The following GEMIN8 variants were observed in gnomAD, a reference collection of about 807,000 sequenced individuals.
GEMIN8 encodes gem nuclear organelle associated protein 8.
For missense variants in GEMIN8, 185 were observed against 205.9 expected, an observed-to-expected ratio of 0.90 and a Z score of 0.62; for synonymous variants, 80 against 78.5, an observed-to-expected ratio of 1.02 and a Z score of -0.10.
chrX:14,008,928 G>A lies in GEMIN8; in HGVS notation c.714C>T (p.Ile238=), dbSNP rs1923335515. ...DRKQPKYWPV[I]PLKF is the part of the protein sequence containing the mutation. Reference sequence around the variant, plus strand: ...TGCCCTGAGCTCAGAACTTCAGGGGGATGACCGGCCAGTACTTGGGCTGCT... The same window carrying A: ...TGCCCTGAGCTCAGAACTTCAGGGGAATGACCGGCCAGTACTTGGGCTGCT... The change falls in exon 5 of 5, where the codon ATC becomes ATT. Residue 238 remains isoleucine (I), a synonymous_variant. Coordinates refer to ENST00000680255, the MANE Select transcript of GEMIN8 (RefSeq NM_001042479.2). The A allele has an allele frequency of 1.7e-6, 2 of 1,210,940 alleles. No homozygotes were observed. Among genetic ancestry groups the A allele is most frequent in the Non-Finnish European group, 2.2e-6 (2 of 894,602 alleles).
chrX:14,022,512 T>C (rs1195747165), intron 2 of GEMIN8, among the ~76,000 whole-genome samples: 2 of 111,882 alleles, frequency 1.8e-5, no homozygotes, highest in Non-Finnish European at 3.8e-5. Flanking sequence ...TCTACCCACC[T>C]GTTGTGATTT....
At chrX:14,023,466 G>A (rs973302093) in intron 2 of GEMIN8, among the ~76,000 whole-genome samples, 1 of 107,711 alleles carries the variant, frequency 9.3e-6, no homozygotes, top group East Asian at 2.9e-4. Context: ...TGCAACCTCC[G>A]CCTCCCAGGT....
At chrX:13,999,927 G>T in the GEMIN8 span, among the ~76,000 whole-genome samples, 1 of 111,740 alleles carries the variant, frequency 8.9e-6, no homozygotes, top group East Asian at 2.8e-4. Flanking sequence ...TATGGTATCT[G>T]CCAGGTTCTT....
chrX:14,021,368 G>A (rs1286513818), intron 3 of GEMIN8, 96 bp downstream of exon 3: 23 of 505,231 alleles, frequency 4.6e-5, no homozygotes, highest in African/African-American at 1.2e-4. Flanking sequence ...CCCGTTGTGC[G>A]CATGTACCCT....
chrX:14,023,524 C>A (rs747149884), intron 2 of GEMIN8, among the ~76,000 whole-genome samples: 24 of 110,869 alleles, frequency 2.2e-4, no homozygotes, highest in African/African-American at 7.9e-4. Context: ...GGATTACAGG[C>A]GCGTGGCACC....
In GEMIN8 at chrX:14,007,894, G is replaced by C. The variant is rs1035528842; in HGVS notation, c.*1019C>G. Among the ~76,000 whole-genome samples the C allele has an allele frequency of 9.0e-6, 1 of 111,659 alleles. No homozygotes were observed. Among genetic ancestry groups the C allele is most frequent in the African/African-American group, 3.3e-5 (1 of 30,675 alleles). ...CTCTGTAGACATAATGAGATAACAA[G>C]AATAAAAATGTCAGGCAGGTGATTT... On this transcript the variant is annotated 3_prime_UTR_variant, in exon 5 of 5. Coordinates refer to ENST00000680255, the MANE Select transcript of GEMIN8 (RefSeq NM_001042479.2).
At chrX:14,014,070 A>G in intron 4 of GEMIN8, 1 of 749,973 alleles carries the variant, frequency 1.3e-6, no homozygotes, top group Non-Finnish European at 1.6e-6. Flanking sequence ...AGAATCTTAT[A>G]TAGCAGGAAA....
the GEMIN8 span, among the ~76,000 whole-genome samples, chrX:13,990,582 T>C: frequency 8.9e-6 from 1 of 112,669 alleles, no homozygotes; most frequent in African/African-American, 3.2e-5. Context: ...CCTTCACTCC[T>C]GACCCCCAGG....
At chrX:13,994,148 T>C in the GEMIN8 span, among the ~76,000 whole-genome samples, 1 of 111,780 alleles carries the variant, frequency 8.9e-6, no homozygotes, top group Non-Finnish European at 1.9e-5. Context: ...TGACCAGCGA[T>C]TCTGCTTTAA....
the GEMIN8 span, among the ~76,000 whole-genome samples, chrX:13,991,620 C>A: frequency 5.2e-4 from 58 of 111,808 alleles, no homozygotes; most frequent in Non-Finnish European, 9.2e-4. Context: ...GTCTTCAGGG[C>A]TATTCAGGCA....
intron 1 of GEMIN8, among the ~76,000 whole-genome samples, chrX:14,029,167 T>C (rs559060346): frequency 1.8e-5 from 2 of 112,175 alleles, no homozygotes; most frequent in African/African-American, 6.5e-5. Flanking sequence ...TACTGATAAG[T>C]GGGCAGAGAC....
chrX:14,016,745 C>T (rs747205841), intron 4 of GEMIN8, among the ~76,000 whole-genome samples: 4 of 100,217 alleles, frequency 4.0e-5, no homozygotes, highest in Admixed American at 3.4e-4. Flanking sequence ...CTTGGGAGGC[C>T]GAGGCAGGAG....
intron 4 of GEMIN8, among the ~76,000 whole-genome samples, chrX:14,010,632 T>C (rs999097253): frequency 1.8e-5 from 2 of 112,157 alleles, no homozygotes; most frequent in Non-Finnish European, 3.8e-5. Context: ...CATCATGGCA[T>C]TGGAGGGAAG....
downstream of GEMIN8, among the ~76,000 whole-genome samples, chrX:14,004,724 AT>A (rs1202904240): frequency 9.0e-6 from 1 of 111,404 alleles, no homozygotes; most frequent in African/African-American, 3.3e-5. Context: ...TGTCTGGCTA[AT>A]TTTTTTCCTG....
At chrX:13,984,966 G>A in the GEMIN8 span, among the ~76,000 whole-genome samples, 4 of 111,427 alleles carry the variant, frequency 3.6e-5, no homozygotes, top group African/African-American at 9.8e-5. Flanking sequence ...CAAAAAGATG[G>A]TGACAGGCAG....
intron 4 of GEMIN8, among the ~76,000 whole-genome samples, chrX:14,016,245 A>C: frequency 8.9e-6 from 1 of 112,381 alleles, no homozygotes; most frequent in Middle Eastern, 4.6e-3. Context: ...TAAGAAAAGT[A>C]GTTTTGAATC....
intron 4 of GEMIN8, among the ~76,000 whole-genome samples, chrX:14,019,803 C>T (rs987134983): frequency 1.8e-5 from 2 of 110,768 alleles, no homozygotes; most frequent in Non-Finnish European, 3.8e-5. Context: ...TGCATACACA[C>T]TCCATTTGGT....
chrX:14,002,344 T>C (rs1027876072), downstream of GEMIN8, among the ~76,000 whole-genome samples: 1 of 107,847 alleles, frequency 9.3e-6, no homozygotes, highest in South Asian at 4.0e-4. Flanking sequence ...GATAGATAGA[T>C]AGATAGATAG....
chrX:14,019,773 C>T (rs753940651), intron 4 of GEMIN8, among the ~76,000 whole-genome samples: 33 of 91,313 alleles, frequency 3.6e-4, no homozygotes, highest in Middle Eastern at 5.9e-3. Flanking sequence ...GATCAGAGCA[C>T]GCACACACAC....
Sources: allele counts gnomAD v4.1 joint callset (sites outside exome capture counted in the v4.1 genomes callset), GRCh38; gene constraint gnomAD v4.1.1; transcripts MANE v1.5; gene names NCBI Gene and HGNC (gene_info 2026-07-23, HGNC 2026-07-21).